Variants in LRRC7 observed in about 807,000 individuals in gnomAD.
The protein encoded by LRRC7 is leucine rich repeat containing 7.
A neutral mutation model predicts 175.7 loss-of-function variants in LRRC7; 23 were observed. The ratio of observed to expected loss-of-function variants is 0.13; its 90% CI spans 0.09 to 0.19. The LOEUF (loss-of-function observed/expected upper bound fraction) is 0.19, where lower values mean the gene tolerates loss of function less well. Ranked by LOEUF, LRRC7 falls within the 10% of genes least tolerant of loss-of-function variation. The pLI is 1.00. For synonymous variants in LRRC7, 685 were observed against 680.9 expected (o/e 1.01, Z -0.09); for missense variants, 1,354 against 1,904.7 (o/e 0.71, Z 5.38).
rs1657442049 is a variant in LRRC7, at chr1:70,021,065, G to A, written c.1481G>A (p.Arg494His). 3.1e-6 allele frequency: 5 copies of A among 1,612,720 alleles called. No homozygotes were observed. The highest frequency in any genetic ancestry group is 1.1e-5 in the South Asian group (1 of 91,036). Residue 494 changes from arginine (R) to histidine (H), a missense_variant, in exon 16 of 27, where the codon CGC becomes CAC. Arg to His is a conservative substitution (Grantham distance 29). Around this residue, in one of 4 missense-constraint regions of LRRC7, gnomAD observed 1,032 missense variants for 1,227.2 expected, o/e 0.84. Coordinates refer to ENST00000651989, the MANE Select transcript of LRRC7 (RefSeq NM_001370785.2). ...PTLWEEQRQQ[R>H]MTVAFEFEDK... ...CTGTGGGAAGAGCAGAGACAACAACGCATGACTGTTGCCTTTGAATTTGAA... is the reference window on the plus strand; with the variant it reads ...CTGTGGGAAGAGCAGAGACAACAACACATGACTGTTGCCTTTGAATTTGAA...
intron 7 of LRRC7, among the ~76,000 whole-genome samples, chr1:69,931,107 C>G (rs1647328797): frequency 6.6e-6 from 1 of 152,092 alleles, no homozygotes; most frequent in Non-Finnish European, 1.5e-5. Context: ...AATAATAAGA[C>G]TGATGATGAA....
Position 70,091,546 on chromosome 1 carries a change from A to T in LRRC7, c.4545+1727A>T, listed in dbSNP as rs377600833. ...GTAAAAAAATATTTTTAAATTAAGG[A>T]TGAATAGATTGTTAAGTAGTCAAGA... On this transcript the variant is annotated intron_variant, in intron 25 of 26. Coordinates refer to ENST00000651989, the MANE Select transcript of LRRC7 (RefSeq NM_001370785.2). Among the ~76,000 whole-genome samples, 3 of 152,162 alleles carry T rather than the reference A, an allele frequency of 2.0e-5. No individual in the cohort carries two copies. In the East Asian group the frequency reaches 5.8e-4, roughly 29 times the overall value.
chr1:69,869,343 G>A (rs554348576), intron 7 of LRRC7, among the ~76,000 whole-genome samples: 1 of 152,148 alleles, frequency 6.6e-6, no homozygotes, highest in South Asian at 2.1e-4. Flanking sequence ...AGAGGGAGAA[G>A]CCTAATCTAG....
chr1:70,110,149 G>A (rs1665425226), intron 26 of LRRC7, among the ~76,000 whole-genome samples: 1 of 152,206 alleles, frequency 6.6e-6, no homozygotes, highest in African/African-American at 2.4e-5. Flanking sequence ...AGAGGCAGAG[G>A]CAGGAGGATG....
chr1:69,671,190 T>A lies in LRRC7; in HGVS notation c.3-7191T>A, dbSNP rs72938951. Among the ~76,000 whole-genome samples, 992 of 152,122 alleles carry A rather than the reference T, an allele frequency of 6.5e-3. 5 individuals are homozygous for A. The highest frequency in any genetic ancestry group is 0.023 in the African/African-American group (939 of 41,484). Reference sequence around the variant, plus strand: ...CATAGTATCTGGGTATCACTATTGGTTATTCAGGGCCCAGGGGCACTTTAG... The same window carrying A: ...CATAGTATCTGGGTATCACTATTGGATATTCAGGGCCCAGGGGCACTTTAG... On this transcript the variant is annotated intron_variant, in intron 1 of 26. Transcript: ENST00000651989.
intron 4 of LRRC7, among the ~76,000 whole-genome samples, chr1:69,816,652 C>T (rs1678634630): frequency 1.3e-5 from 2 of 152,082 alleles, no homozygotes; most frequent in Non-Finnish European, 2.9e-5. Context: ...ATTTAACTTC[C>T]ATTTTCTATT....
chr1:69,917,731 A>G (rs981742079), intron 7 of LRRC7, among the ~76,000 whole-genome samples: 1 of 152,130 alleles, frequency 6.6e-6, no homozygotes, highest in Non-Finnish European at 1.5e-5. Context: ...TTCCTTTTCC[A>G]TTCATGAGAG....
chr1:70,113,811 A>G (rs1468855278), intron 26 of LRRC7, among the ~76,000 whole-genome samples: 1 of 152,146 alleles, frequency 6.6e-6, no homozygotes, highest in African/African-American at 2.4e-5. Context: ...ACACTGTACT[A>G]AACAGGCTAA....
chr1:70,034,036 A>G (rs1659048842), intron 18 of LRRC7, among the ~76,000 whole-genome samples: 1 of 152,180 alleles, frequency 6.6e-6, no homozygotes, highest in Non-Finnish European at 1.5e-5. Flanking sequence ...TAATGCCCAG[A>G]GAAGTACACT....
intron 26 of LRRC7, among the ~76,000 whole-genome samples, chr1:70,117,986 C>G (rs147689636): frequency 3.0e-4 from 46 of 151,756 alleles, no homozygotes; most frequent in African/African-American, 1.1e-3. Flanking sequence ...TTTATTTTTT[C>G]AAAGCATCAT....
At chr1:69,646,345 T>C (rs1655008336) in intron 1 of LRRC7, among the ~76,000 whole-genome samples, 1 of 152,180 alleles carries the variant, frequency 6.6e-6, no homozygotes, top group African/African-American at 2.4e-5. Flanking sequence ...TTTCTTCATC[T>C]TTTTGGAATA....
At chr1:70,116,363 C>T (rs1432586556) in intron 26 of LRRC7, among the ~76,000 whole-genome samples, 1 of 152,040 alleles carries the variant, frequency 6.6e-6, no homozygotes, top group African/African-American at 2.4e-5. Flanking sequence ...CTGGTTAACA[C>T]GGTGAAACCC....
intron 8 of LRRC7, among the ~76,000 whole-genome samples, chr1:69,979,400 G>A (rs372388627): frequency 3.9e-5 from 6 of 152,316 alleles, no homozygotes; most frequent in African/African-American, 9.6e-5. Flanking sequence ...TCTGCTGCCC[G>A]AAGTTAGAAT....
At chr1:69,716,628 G>C (rs1364722325) in intron 2 of LRRC7, among the ~76,000 whole-genome samples, 1 of 151,718 alleles carries the variant, frequency 6.6e-6, no homozygotes, top group African/African-American at 2.4e-5. Context: ...ATGCTTCTAA[G>C]AAATAAAGTG....
intron 8 of LRRC7, among the ~76,000 whole-genome samples, chr1:69,951,299 C>T (rs72943286): frequency 0.023 from 3,505 of 151,856 alleles, 163 homozygotes; most frequent in African/African-American, 0.081. Context: ...AAGATACTGG[C>T]GAAGTTGCAG....
rs1570455338 is a variant in LRRC7 at position 69,711,168 on chromosome 1, G to A, written c.100+32690G>A. Among the ~76,000 whole-genome samples, 3 of 152,310 alleles carry A rather than the reference G, an allele frequency of 2.0e-5. No individual in the cohort carries two copies. In the South Asian group the frequency reaches 6.2e-4, roughly 32 times the overall value. Reference sequence around the variant, plus strand: ...AAAATATAGTAAATTCTCCCTTGCTGAGGATGGCTGTGGTGTAATTTTTCC... The same window carrying A: ...AAAATATAGTAAATTCTCCCTTGCTAAGGATGGCTGTGGTGTAATTTTTCC... On this transcript the variant is annotated intron_variant, in intron 2 of 26. Transcript: ENST00000651989.
intron 4 of LRRC7, among the ~76,000 whole-genome samples, chr1:69,811,568 C>A (rs191076904): frequency 6.6e-6 from 1 of 152,124 alleles, no homozygotes; most frequent in South Asian, 2.1e-4. Flanking sequence ...GGACCATATA[C>A]ACCATGGAAT....
Position 69,717,841 on chromosome 1 carries a change from A to AGGAAAG in LRRC7, c.100+39363_100+39364insGGAAAG, listed in dbSNP as rs754934916. ...AAGAAAGAAAGAAAGAAAGAAAGAAAAAAGAAAGAAAGGAAAGAAAGAAAG... is the reference window on the plus strand; with the variant it reads ...AAGAAAGAAAGAAAGAAAGAAAGAAAGGAAAGAAAGAAAGAAAGGAAAGAAAGAAAG... On this transcript the variant is annotated intron_variant, in intron 2 of 26. Transcript: ENST00000651989. Among the ~76,000 whole-genome samples the AGGAAAG allele has an allele frequency of 7.5e-3, 144 of 19,328 alleles. 30 individuals carry two copies. Among genetic ancestry groups the AGGAAAG allele is most frequent in the Non-Finnish European group, 0.01 (118 of 11,734 alleles). The allele number at this position is 19,328 out of a possible 152,430, so 12.7% of individuals were successfully genotyped here.
intron 25 of LRRC7, among the ~76,000 whole-genome samples, chr1:70,092,140 T>C (rs1193637873): frequency 2.6e-5 from 4 of 152,122 alleles, no homozygotes; most frequent in Non-Finnish European, 5.9e-5. Context: ...TCTGAAAGTG[T>C]TGCATAAAAT....
Sources: allele counts gnomAD v4.1 joint callset (sites outside exome capture counted in the v4.1 genomes callset), GRCh38; gene constraint gnomAD v4.1.1; regional missense constraint gnomAD v4.1.1; transcripts MANE v1.5; gene names NCBI Gene and HGNC (gene_info 2026-07-23, HGNC 2026-07-21).